Variants in MTUS2 observed in about 807,000 individuals in gnomAD.
MTUS2 encodes the protein microtubule associated scaffold protein 2.
In MTUS2, 40 loss-of-function variants were observed where a neutral mutation model predicts 114.1. The observed-to-expected ratio is 0.35, with a 90% CI of 0.27 to 0.46. MTUS2 has a LOEUF of 0.46. MTUS2 is among the 20% of genes least tolerant of loss of function. MTUS2 has a pLI of 1.00. For synonymous variants in MTUS2, 688 were observed against 672.0 expected, an observed-to-expected ratio of 1.02 and a Z score of -0.37; for missense variants, 1,679 against 1,705.4, an observed-to-expected ratio of 0.98 and a Z score of 0.27.
At chr13:29,096,065 T>A (rs939130632) in intron 4 of MTUS2, among the ~76,000 whole-genome samples, 5 of 152,198 alleles carry the variant, frequency 3.3e-5, no homozygotes, top group African/African-American at 9.7e-5. Context: ...GTAATGAAAC[T>A]TTTAGATAAT....
At chr13:29,045,867 T>A (rs531887380) in intron 4 of MTUS2, among the ~76,000 whole-genome samples, 1 of 152,266 alleles carries the variant, frequency 6.6e-6, no homozygotes, top group South Asian at 2.1e-4. Flanking sequence ...AATTGAATCA[T>A]GGCAGGAACT....
intron 6 of MTUS2, among the ~76,000 whole-genome samples, chr13:29,301,710 CTG>C (rs1226745825): frequency 6.6e-6 from 1 of 152,222 alleles, no homozygotes; most frequent in Admixed American, 6.5e-5. Flanking sequence ...TTGTTAATGA[CTG>C]GATACACTAG....
Position 29,026,358 on chromosome 13 carries a change from A to T in MTUS2, c.1660A>T (p.Ser554Cys), listed in dbSNP as rs1449167515. The change falls in exon 3 of 16, where the codon AGT becomes TGT. Residue 554 changes from serine (S) to cysteine (C), a missense_variant. Ser to Cys is a moderately radical substitution (Grantham distance 112). Coordinates refer to ENST00000612955, the MANE Select transcript of MTUS2 (RefSeq NM_001033602.4). ...MTYQPTTPSS[S>C]FQDVSVFGMD... ...CTACCAGCCTACAACACCCAGTAGC[A>T]GTTTTCAGGATGTTAGCGTGTTCGG... 4 of 1,613,946 alleles carry T rather than the reference A, an allele frequency of 2.5e-6. No homozygotes were observed. The highest frequency in any genetic ancestry group is 3.4e-6 in the Non-Finnish European group (4 of 1,179,874).
intron 5 of MTUS2, among the ~76,000 whole-genome samples, chr13:29,140,693 G>A (rs1473998275): frequency 6.6e-6 from 1 of 152,052 alleles, no homozygotes; most frequent in East Asian, 1.9e-4. Context: ...AGGTGATTAG[G>A]AAACACCAAT....
chr13:29,260,153 C>G (rs1897416806), intron 5 of MTUS2, among the ~76,000 whole-genome samples: 1 of 152,244 alleles, frequency 6.6e-6, no homozygotes, highest in Non-Finnish European at 1.5e-5. Context: ...ATCTTCTCCA[C>G]TAAACCATGA....
At chr13:29,363,881 AT>A (rs1273498120) in intron 8 of MTUS2, among the ~76,000 whole-genome samples, 1 of 152,166 alleles carries the variant, frequency 6.6e-6, no homozygotes, top group African/African-American at 2.4e-5. Context: ...AACAGGCATT[AT>A]TTTAACCCTC....
intron 2 of MTUS2, among the ~76,000 whole-genome samples, chr13:28,862,152 A>T (rs1877028294): frequency 6.6e-6 from 1 of 152,234 alleles, no homozygotes; most frequent in South Asian, 2.1e-4. Context: ...AATAGCACAG[A>T]TCAATCTGAA....
At chr13:29,272,133 T>C (rs1294111903) in intron 5 of MTUS2, among the ~76,000 whole-genome samples, 1 of 152,168 alleles carries the variant, frequency 6.6e-6, no homozygotes, top group Admixed American at 6.5e-5. Context: ...AGAAAGAAAA[T>C]ATACACTTCG....
intron 5 of MTUS2, among the ~76,000 whole-genome samples, chr13:29,229,464 C>A (rs920128993): frequency 1.3e-5 from 2 of 152,126 alleles, no homozygotes; most frequent in African/African-American, 4.8e-5. Context: ...TGGAGCCATC[C>A]AAAGTAGCTA....
intron 7 of MTUS2, among the ~76,000 whole-genome samples, chr13:29,346,459 T>A (rs1299125588): frequency 4.0e-5 from 6 of 151,742 alleles, no homozygotes; most frequent in African/African-American, 1.5e-4. Context: ...CTCTGCTGGG[T>A]CACGCAGGTT....
At chr13:29,032,018 G>A (rs1886852901) in intron 3 of MTUS2, among the ~76,000 whole-genome samples, 1 of 152,044 alleles carries the variant, frequency 6.6e-6, no homozygotes, top group South Asian at 2.1e-4. Context: ...ACCCTCCATT[G>A]GGATGGAGGG....
intron 9 of MTUS2, among the ~76,000 whole-genome samples, chr13:29,450,747 A>G (rs534499628): frequency 1.3e-5 from 2 of 152,338 alleles, no homozygotes; most frequent in Non-Finnish European, 2.9e-5. Context: ...GGATGAAAAA[A>G]ATATATACTA....
chr13:29,415,248 T>C (rs934783778), intron 8 of MTUS2, among the ~76,000 whole-genome samples: 2 of 152,194 alleles, frequency 1.3e-5, no homozygotes, highest in African/African-American at 2.4e-5. Flanking sequence ...AAAACAGGTA[T>C]AGTCACTATT....
intron 2 of MTUS2, among the ~76,000 whole-genome samples, chr13:28,877,370 C>T (rs150113183): frequency 6.6e-5 from 10 of 150,756 alleles, no homozygotes; most frequent in South Asian, 2.1e-4. Flanking sequence ...GTTGTTATTT[C>T]GCTATTAATG....
intron 6 of MTUS2, among the ~76,000 whole-genome samples, chr13:29,304,248 C>T (rs1365672028): frequency 6.6e-6 from 1 of 152,136 alleles, no homozygotes; most frequent in Admixed American, 6.5e-5. Context: ...GAAAAATAAC[C>T]AACTAGCATC....
intron 4 of MTUS2, among the ~76,000 whole-genome samples, chr13:29,076,847 A>G (rs1432575311): frequency 3.9e-5 from 6 of 152,028 alleles, no homozygotes; most frequent in Non-Finnish European, 8.8e-5. Flanking sequence ...CCTATGTTCT[A>G]TTTTTCCTTT....
At chr13:28,847,574 G>A (rs1875971787) in intron 2 of MTUS2, among the ~76,000 whole-genome samples, 1 of 152,186 alleles carries the variant, frequency 6.6e-6, no homozygotes, top group Non-Finnish European at 1.5e-5. Flanking sequence ...TGTGGCTCTG[G>A]CAAATTGATA....
At chr13:29,005,527 G>T (rs776915082) in intron 2 of MTUS2, among the ~76,000 whole-genome samples, 15 of 152,146 alleles carry the variant, frequency 9.9e-5, no homozygotes, top group Non-Finnish European at 1.8e-4. Flanking sequence ...ACAAAGCAGG[G>T]TGGAGAGGAG....
intron 8 of MTUS2, among the ~76,000 whole-genome samples, chr13:29,380,697 A>ACC (rs1872135646): frequency 5.4e-5 from 1 of 18,362 alleles, no homozygotes; most frequent in Admixed American, 1.1e-3. Context: ...CGGGTGGATC[A>ACC]TGAGGTCAGG....
Sources: allele counts gnomAD v4.1 joint callset (sites outside exome capture counted in the v4.1 genomes callset), GRCh38; gene constraint gnomAD v4.1.1; transcripts MANE v1.5; gene names NCBI Gene and HGNC (gene_info 2026-07-23, HGNC 2026-07-21).